Variants in TMEM108 observed in about 807,000 individuals in gnomAD.
TMEM108 encodes cancer/testis antigen 124.
Under a neutral mutation model 35.1 loss-of-function variants are expected in TMEM108, and 12 were observed. That is an observed-to-expected ratio of 0.34 (90% CI 0.22 to 0.55). The LOEUF (loss-of-function observed/expected upper bound fraction) is 0.55, where lower values mean the gene tolerates loss of function less well. Ranked by LOEUF, TMEM108 falls within the 20% of genes least tolerant of loss-of-function variation. The pLI is 0.89. For missense variants in TMEM108, 680 were observed against 753.3 expected (o/e 0.90, Z 1.14); for synonymous variants, 287 against 308.6 (o/e 0.93, Z 0.73).
intron 1 of TMEM108, among the ~76,000 whole-genome samples, chr3:133,042,125 C>A (rs114465520): frequency 6.6e-6 from 1 of 152,222 alleles, no homozygotes; most frequent in Non-Finnish European, 1.5e-5. Context: ...TTTGAAATAA[C>A]TATTCTTTGT....
intron 3 of TMEM108, among the ~76,000 whole-genome samples, chr3:133,279,334 A>G (rs951635206): frequency 5.3e-5 from 8 of 152,218 alleles, no homozygotes; most frequent in African/African-American, 1.4e-4. Flanking sequence ...CACCATGTCT[A>G]TCATGAGACC....
chr3:133,243,848 T>C (rs1285872041), intron 3 of TMEM108, among the ~76,000 whole-genome samples: 1 of 152,074 alleles, frequency 6.6e-6, no homozygotes, highest in African/African-American at 2.4e-5. Flanking sequence ...ATGAGTGTCG[T>C]AGGTTGGGCG....
At chr3:133,348,747 A>G (rs1394443078) in intron 3 of TMEM108, among the ~76,000 whole-genome samples, 3 of 152,184 alleles carry the variant, frequency 2.0e-5, no homozygotes, top group Admixed American at 1.3e-4. Context: ...ATCAGCATCC[A>G]ACAGTCCAAG....
chr3:133,118,848 G>C (rs1944317946), intron 2 of TMEM108, among the ~76,000 whole-genome samples: 1 of 152,114 alleles, frequency 6.6e-6, no homozygotes, highest in Non-Finnish European at 1.5e-5. Flanking sequence ...ATTTACTTAG[G>C]CAGTGTAGTG....
chr3:133,146,984 A>G (rs958128205), intron 2 of TMEM108, among the ~76,000 whole-genome samples: 1 of 151,426 alleles, frequency 6.6e-6, no homozygotes, highest in Admixed American at 6.6e-5. Flanking sequence ...GATCTTAGTT[A>G]TTTCTTGTCT....
chr3:133,276,155 T>G (rs1490999359), intron 3 of TMEM108, among the ~76,000 whole-genome samples: 3 of 152,200 alleles, frequency 2.0e-5, no homozygotes, highest in Non-Finnish European at 4.4e-5. Context: ...CAAACACATT[T>G]TAAGTGTAAA....
chr3:133,281,759 T>C (rs1328899935), intron 3 of TMEM108, among the ~76,000 whole-genome samples: 1 of 152,202 alleles, frequency 6.6e-6, no homozygotes, highest in Non-Finnish European at 1.5e-5. Context: ...TTTGGTTACC[T>C]TCTCTACTGC....
intron 2 of TMEM108, among the ~76,000 whole-genome samples, chr3:133,151,412 G>A (rs1219890410): frequency 2.0e-5 from 3 of 152,120 alleles, no homozygotes; most frequent in South Asian, 2.1e-4. Flanking sequence ...AAGACTTTCC[G>A]AAGTCCACTC....
chr3:133,218,112 T>G (rs544892102), intron 2 of TMEM108, among the ~76,000 whole-genome samples: 1 of 151,996 alleles, frequency 6.6e-6, no homozygotes, highest in Non-Finnish European at 1.5e-5. Flanking sequence ...TGTAGTTTTC[T>G]GTGTACAGGT....
At chr3:133,087,881 G>A (rs536094361) in intron 2 of TMEM108, among the ~76,000 whole-genome samples, 18 of 152,206 alleles carry the variant, frequency 1.2e-4, no homozygotes, top group East Asian at 7.7e-4. Context: ...AGCCTCTGTC[G>A]TGTCATTAGA....
intron 3 of TMEM108, among the ~76,000 whole-genome samples, chr3:133,253,123 G>A (rs780628072): frequency 1.4e-4 from 22 of 152,272 alleles, no homozygotes; most frequent in Non-Finnish European, 2.8e-4. Context: ...GTTTTCTTCA[G>A]GGGTCCTGGG....
At chr3:133,127,091 C>A (rs1257924151) in intron 2 of TMEM108, among the ~76,000 whole-genome samples, 2 of 152,090 alleles carry the variant, frequency 1.3e-5, no homozygotes, top group Non-Finnish European at 2.9e-5. Context: ...CAGCACATCT[C>A]AATTGGGACA....
intron 2 of TMEM108, among the ~76,000 whole-genome samples, chr3:133,074,853 A>G (rs11720348): frequency 0.4 from 60,757 of 152,074 alleles, 12,723 homozygotes; most frequent in Admixed American, 0.48. Context: ...AATTCAGAGT[A>G]GATTTTCTAC....
chr3:133,135,149 C>T (rs1191756900), intron 2 of TMEM108, among the ~76,000 whole-genome samples: 1 of 147,852 alleles, frequency 6.8e-6, no homozygotes, highest in Non-Finnish European at 1.5e-5. Flanking sequence ...AGGTTTTCAT[C>T]TGCTATCGTT....
intron 2 of TMEM108, among the ~76,000 whole-genome samples, chr3:133,083,750 A>G (rs1432987449): frequency 6.6e-6 from 1 of 152,180 alleles, no homozygotes; most frequent in Non-Finnish European, 1.5e-5. Flanking sequence ...TTTTAAAAGC[A>G]CATTTTGCTA....
intron 2 of TMEM108, among the ~76,000 whole-genome samples, chr3:133,226,578 G>A (rs1946074211): frequency 6.6e-6 from 1 of 152,090 alleles, no homozygotes; most frequent in African/African-American, 2.4e-5. Context: ...AATCCAAAGG[G>A]AAGAAAGTAT....
chr3:133,143,901 A>T (rs570949625), intron 2 of TMEM108, among the ~76,000 whole-genome samples: 1 of 151,586 alleles, frequency 6.6e-6, no homozygotes, highest in Non-Finnish European at 1.5e-5. Flanking sequence ...CGAACATTCT[A>T]CAAGGGAAAG....
At chr3:133,048,046 C>G (rs1943360777) in intron 2 of TMEM108, among the ~76,000 whole-genome samples, 1 of 152,046 alleles carries the variant, frequency 6.6e-6, no homozygotes, top group Non-Finnish European at 1.5e-5. Flanking sequence ...GCTTCATGTT[C>G]TGGTTCATTG....
chr3:133,180,182 A>G (rs978083720), intron 2 of TMEM108, among the ~76,000 whole-genome samples: 1 of 152,102 alleles, frequency 6.6e-6, no homozygotes, highest in Non-Finnish European at 1.5e-5. Flanking sequence ...ATTCTATCTA[A>G]TGTGGGGGAG....
Sources: gnomAD v4.1 joint callset for allele counts (sites outside exome capture counted in the v4.1 genomes callset) on GRCh38, gnomAD v4.1.1 for gene constraint, MANE v1.5 for transcripts, NCBI Gene and HGNC (gene_info 2026-07-23, HGNC 2026-07-21) for gene names.